CLEC9A: variants seen among roughly 807,000 people sequenced by gnomAD.
The protein encoded by CLEC9A is C-type lectin domain family 9 member A.
In CLEC9A, 24 loss-of-function variants were observed where a neutral mutation model predicts 30.0. The ratio of observed to expected loss-of-function variants is 0.80; its 90% CI spans 0.58 to 1.13. CLEC9A has a LOEUF of 1.13. CLEC9A is among the 50% of genes most tolerant of loss of function. CLEC9A has a pLI of 0.00. For missense variants in CLEC9A, 251 were observed against 280.9 expected (o/e 0.89, Z 0.76); for synonymous variants, 111 against 96.8 (o/e 1.15, Z -0.86).
chr12:10,037,818 A>C (rs1865756385), intron 1 of CLEC9A, among the ~76,000 whole-genome samples: 2 of 152,182 alleles, frequency 1.3e-5, no homozygotes, highest in African/African-American at 4.8e-5. Context: ...TAAAGGACAA[A>C]AATTTTATTA....
intron 7 of CLEC9A, among the ~76,000 whole-genome samples, chr12:10,064,185 A>C (rs572908342): frequency 6.6e-6 from 1 of 152,332 alleles, no homozygotes; most frequent in Admixed American, 6.5e-5. Context: ...AATCATGAGA[A>C]AATAATTTGT....
At chr12:10,040,191 C>G (rs1239527941) in intron 1 of CLEC9A, among the ~76,000 whole-genome samples, 1 of 152,184 alleles carries the variant, frequency 6.6e-6, no homozygotes, top group Non-Finnish European at 1.5e-5. Context: ...AGTTTGGCAT[C>G]ACACAAGGAA....
Position 10,065,719 on chromosome 12 carries a change from G to T in CLEC9A, c.*87G>T. 7.1e-7 allele frequency: 1 copy of T among 1,408,230 alleles called. No homozygotes were observed. The highest frequency in any genetic ancestry group is 9.3e-7 in the Non-Finnish European group (1 of 1,073,256). The allele number at this position is 1,408,230 out of a possible 1,614,324, so 87.2% of individuals were successfully genotyped here. The stretch of plus-strand genomic sequence containing the variant: ...ACCCCCACCCCCCCTCAAAAAAACA[G>T]AACAGTAAACCAAAATGTGGGCCAT... On this transcript the variant is annotated 3_prime_UTR_variant, in exon 9 of 9. Transcript: ENST00000355819.
intron 1 of CLEC9A, among the ~76,000 whole-genome samples, chr12:10,037,711 A>G (rs1419599524): frequency 6.6e-6 from 1 of 152,202 alleles, no homozygotes; most frequent in Non-Finnish European, 1.5e-5. Flanking sequence ...ACATCGTTAT[A>G]ACAAAACAAT....
chr12:10,058,414 T>A (rs1865961964), intron 5 of CLEC9A, among the ~76,000 whole-genome samples: 2 of 152,230 alleles, frequency 1.3e-5, no homozygotes, highest in South Asian at 2.1e-4. Context: ...TGGGTTTTTG[T>A]TAACTATCCA....
chr12:10,040,517 C>T (rs1024039748), intron 1 of CLEC9A, among the ~76,000 whole-genome samples: 3 of 150,338 alleles, frequency 2.0e-5, no homozygotes, highest in African/African-American at 7.3e-5. Flanking sequence ...GTGGCGCCAT[C>T]TCGGCTCACT....
chr12:10,064,866 G>A lies in CLEC9A; in HGVS notation c.593+13G>A, dbSNP rs1329181004. On this transcript the variant is annotated intron_variant, in intron 8 of 8. Transcript: ENST00000355819. ...CTTCTCCTGGCCTGTAAGTCTCTGA[G>A]TGAAATGCTACAAGAAAAGTTAGAA... 1.9e-6 allele frequency: 3 copies of A among 1,601,858 alleles called. No homozygotes were observed. The Admixed American group carries it at 5.3e-5, about 28-fold the overall frequency.
At chr12:10,065,410 C>A in intron 8 of CLEC9A, 90 bp from the exon 9 acceptor site, 2 of 1,458,458 alleles carry the variant, frequency 1.4e-6, no homozygotes, top group Non-Finnish European at 1.9e-6. Flanking sequence ...CAAAACAAAA[C>A]AAGCAGCTAC....
At chr12:10,062,269 C>T (rs1866004737) in intron 6 of CLEC9A, among the ~76,000 whole-genome samples, 1 of 152,224 alleles carries the variant, frequency 6.6e-6, no homozygotes, top group African/African-American at 2.4e-5. Flanking sequence ...TGAATTATTT[C>T]TTGGCCTAAA....
rs777738822 is a variant in CLEC9A at position 10,061,145 on chromosome 12, T to C, written c.191T>C (p.Ile64Thr). Residue 64 changes from isoleucine (I) to threonine (T), a missense_variant, in exon 6 of 9, where the codon ATT becomes ACT. By Grantham distance (89) the Ile-to-Thr change is moderately conservative. Coordinates refer to ENST00000355819, the MANE Select transcript of CLEC9A (RefSeq NM_207345.4). ...TGTGAAGTGTTGCAGGTGTCCACCA[T>C]TGCGATGCAGCAGCAAGAAAAACTC... ...LGVKLLQVST[I>T]AMQQQEKLIQ... 92 of 1,610,704 alleles carry C rather than the reference T, an allele frequency of 5.7e-5. No individual in the cohort carries two copies. The highest frequency in any genetic ancestry group is 7.2e-5 in the Non-Finnish European group (85 of 1,178,964).
chr12:10,033,376 C>T (rs1358321225), intron 1 of CLEC9A, among the ~76,000 whole-genome samples: 1 of 151,996 alleles, frequency 6.6e-6, no homozygotes, highest in African/African-American at 2.4e-5. Flanking sequence ...ACTTAATAGC[C>T]ATACATTGAT....
chr12:10,038,525 A>G (rs1254911352), intron 1 of CLEC9A, among the ~76,000 whole-genome samples: 1 of 152,258 alleles, frequency 6.6e-6, no homozygotes, highest in African/African-American at 2.4e-5. Context: ...AGAGAAAAAA[A>G]AGAAATCAGG....
chr12:10,035,821 T>C (rs1333261781), intron 1 of CLEC9A, among the ~76,000 whole-genome samples: 1 of 152,168 alleles, frequency 6.6e-6, no homozygotes, highest in Non-Finnish European at 1.5e-5. Flanking sequence ...CACAAGGTGA[T>C]CTCAAGCTCC....
In CLEC9A at chr12:10,064,121, T is replaced by TA. The variant is rs1351943471; in HGVS notation, c.472-605dup. 3.3e-5 allele frequency among the ~76,000 whole-genome samples: 5 copies of TA among 152,268 alleles called. No individual in the cohort carries two copies. In the South Asian group the frequency reaches 1.0e-3, roughly 32 times the overall value. On this transcript the variant is annotated intron_variant, in intron 7 of 8. Coordinates refer to ENST00000355819, the MANE Select transcript of CLEC9A (RefSeq NM_207345.4). ...GCAAAATTGCACATTTTTGGCCCTA[T>TA]AAAAAATGTATACCTGCTATATTCA...
intron 5 of CLEC9A, among the ~76,000 whole-genome samples, chr12:10,056,952 C>G (rs542628970): frequency 6.6e-6 from 1 of 152,018 alleles, no homozygotes; most frequent in Non-Finnish European, 1.5e-5. Flanking sequence ...ACTGTACAGG[C>G]GTAAAGTATA....
intron 1 of CLEC9A, among the ~76,000 whole-genome samples, chr12:10,037,870 T>C (rs1224712785): frequency 6.6e-6 from 1 of 152,042 alleles, no homozygotes; most frequent in East Asian, 1.9e-4. Context: ...ATCAGCGTTA[T>C]GGAAAAGAGT....
chr12:10,034,961 G>A (rs909043789), intron 1 of CLEC9A, among the ~76,000 whole-genome samples: 5 of 152,198 alleles, frequency 3.3e-5, no homozygotes, highest in Non-Finnish European at 7.3e-5. Context: ...CAGATCACAC[G>A]TGGGCTTGGA....
intron 4 of CLEC9A, 100 bp from the exon 5 acceptor site, chr12:10,054,171 A>C: frequency 1.1e-6 from 1 of 931,566 alleles, no homozygotes. Context: ...TAGAAATGCC[A>C]ATGTTAATTC....
chr12:10,052,473 CT>C, intron 3 of CLEC9A, 156 bp from the exon 4 acceptor site: 1 of 1,236,378 alleles, frequency 8.1e-7, no homozygotes, highest in East Asian at 3.2e-5. Flanking sequence ...CTCTCATTTC[CT>C]TTTTCACCAA....
Sources: allele counts gnomAD v4.1 joint callset (sites outside exome capture counted in the v4.1 genomes callset), GRCh38; gene constraint gnomAD v4.1.1; transcripts MANE v1.5; gene names NCBI Gene and HGNC (gene_info 2026-07-23, HGNC 2026-07-21).